PPFIA2: variants seen among roughly 807,000 people sequenced by gnomAD.
PPFIA2 encodes the protein liprin-alpha-2.
A neutral mutation model predicts 175.5 loss-of-function variants in PPFIA2; 46 were observed. The observed-to-expected ratio is 0.26, with a 90% CI of 0.21 to 0.34. PPFIA2 has a LOEUF of 0.34. PPFIA2 is among the 10% of genes least tolerant of loss of function. The probability of loss-of-function intolerance (pLI) is 1.00; values close to 1 mark genes in which losing one functional copy is unlikely to be tolerated. For missense variants in PPFIA2, 1,179 were observed against 1,506.1 expected (o/e 0.78, Z 3.60); for synonymous variants, 568 against 511.4 (o/e 1.11, Z -1.49).
In PPFIA2 at chr12:81,347,609, G is replaced by A. The variant is rs372879855; in HGVS notation, c.2156C>T (p.Pro719Leu). The A allele has an allele frequency of 1.7e-5, 28 of 1,613,638 alleles. No homozygotes were observed. The highest frequency in any genetic ancestry group is 2.2e-5 in the Non-Finnish European group (26 of 1,179,768). Residue 719 changes from proline to leucine, a missense_variant, in exon 18 of 33, where the codon CCC (proline) becomes CTC (leucine). By Grantham distance (98) the Pro-to-Leu change is moderately conservative. This residue lies in a region of PPFIA2 where 223 missense variants were observed against 241.6 expected (regional missense o/e 0.92). Coordinates refer to ENST00000549396, the MANE Select transcript of PPFIA2 (RefSeq NM_003625.5). Reference sequence around the variant, plus strand: ...GAGCTTTGGAGTTGAGTGTCCACTGGGGGGAGATGAACTGGCCAGCGATGA... The same window carrying A: ...GAGCTTTGGAGTTGAGTGTCCACTGAGGGGAGATGAACTGGCCAGCGATGA... ...TASSLASSSPPSGHSTPKLTP... is the reference protein window; with the variant it reads ...TASSLASSSPLSGHSTPKLTP...
At chr12:81,619,772 T>C (rs536322952) in intron 4 of PPFIA2, among the ~76,000 whole-genome samples, 9 of 152,298 alleles carry the variant, frequency 5.9e-5, no homozygotes, top group African/African-American at 2.2e-4. Flanking sequence ...AGGTTTAATA[T>C]TCCTGATACT....
chr12:81,634,170 G>A (rs575151112), intron 4 of PPFIA2, among the ~76,000 whole-genome samples: 5 of 152,078 alleles, frequency 3.3e-5, no homozygotes, highest in African/African-American at 9.6e-5. Context: ...TGTTCTCATG[G>A]GCTGCTCTGT....
Position 81,294,913 on chromosome 12 carries a change from C to A in PPFIA2, c.2847G>T (p.Leu949=). The A allele has an allele frequency of 1.9e-6, 3 of 1,613,530 alleles. No individual in the cohort carries two copies. Among genetic ancestry groups the A allele is most frequent in the South Asian group, 2.2e-5 (2 of 90,980 alleles). The stretch of plus-strand genomic sequence containing the variant: ...TTGCTAATCGAAGTTTTAAGCGATG[C>A]AGTGGATTGCTGATTCCAATTTCTC... ...IQREIGISNP[L]HRLKLRLAIQ... The change falls in exon 24 of 33, where the codon CTG becomes CTT. Residue 949 remains leucine (L), a synonymous_variant. Coordinates refer to ENST00000549396, the MANE Select transcript of PPFIA2 (RefSeq NM_003625.5).
chr12:81,642,730 TGTATATG>T (rs1567688267), intron 4 of PPFIA2, among the ~76,000 whole-genome samples: 2 of 6,350 alleles, frequency 3.1e-4, no homozygotes, highest in African/African-American at 6.3e-4. Flanking sequence ...TATACATACA[TGTATATG>T]TATGTATGTA....
intron 14 of PPFIA2, among the ~76,000 whole-genome samples, chr12:81,364,953 G>T (rs944366709): frequency 2.0e-5 from 3 of 151,664 alleles, no homozygotes; most frequent in Non-Finnish European, 4.4e-5. Flanking sequence ...GTGTGGGAGT[G>T]GGGTGAGAAT....
chr12:81,558,319 T>C (rs902101568), intron 4 of PPFIA2, among the ~76,000 whole-genome samples: 1 of 152,182 alleles, frequency 6.6e-6, no homozygotes, highest in Non-Finnish European at 1.5e-5. Context: ...AGCTTGGACG[T>C]AAGCCAGTAC....
intron 22 of PPFIA2, among the ~76,000 whole-genome samples, chr12:81,305,522 T>C (rs1470073140): frequency 6.6e-6 from 1 of 152,168 alleles, no homozygotes; most frequent in Non-Finnish European, 1.5e-5. Context: ...CTATTCTCTC[T>C]AGCTACAATG....
chr12:81,583,854 G>A (rs1012268424), intron 4 of PPFIA2, among the ~76,000 whole-genome samples: 2 of 151,916 alleles, frequency 1.3e-5, no homozygotes, highest in East Asian at 1.9e-4. Context: ...TGGTCCCTCA[G>A]TTCATGGCCC....
At chr12:81,536,745 C>CATAT (rs3075445) in intron 4 of PPFIA2, among the ~76,000 whole-genome samples, 9,888 of 136,468 alleles carry the variant, frequency 0.072, 517 homozygotes, top group African/African-American at 0.15. Flanking sequence ...TATACATAAA[C>CATAT]ATATATATAT....
At chr12:81,357,623 G>A (rs571236110) in intron 16 of PPFIA2, among the ~76,000 whole-genome samples, 1 of 152,226 alleles carries the variant, frequency 6.6e-6, no homozygotes, top group South Asian at 2.1e-4. Context: ...TTTTAATTAA[G>A]TTAATTTGAA....
chr12:81,610,182 C>G (rs984397457), intron 4 of PPFIA2, among the ~76,000 whole-genome samples: 5 of 152,154 alleles, frequency 3.3e-5, no homozygotes, highest in African/African-American at 1.2e-4. Context: ...ACCTTTATCT[C>G]TAGCTGCCTT....
At position 81,329,990 on chromosome 12, in the gene PPFIA2, G is replaced by T. The variant is rs532469047; in HGVS notation, c.2549-4120C>A. 2.0e-5 allele frequency among the ~76,000 whole-genome samples: 3 copies of T among 152,294 alleles called. No individual in the cohort carries two copies. In the East Asian group the frequency reaches 5.8e-4, roughly 30 times the overall value. ...GCTACAAAATGTAGGGCTTGCGAAG[G>T]CTCAGGGCTCAGGGCACAGGAAGGA... On this transcript the variant is annotated intron_variant, in intron 21 of 32. Transcript: ENST00000549396.
At chr12:81,492,290 C>A (rs975902013) in intron 4 of PPFIA2, among the ~76,000 whole-genome samples, 5 of 151,820 alleles carry the variant, frequency 3.3e-5, no homozygotes, top group African/African-American at 1.2e-4. Context: ...TTATAGGTTT[C>A]CTTGAAGAGG....
intron 4 of PPFIA2, among the ~76,000 whole-genome samples, chr12:81,643,405 A>G (rs1331583618): frequency 1.3e-5 from 2 of 152,008 alleles, no homozygotes; most frequent in African/African-American, 2.4e-5. Context: ...ACAAAGTCCA[A>G]TAAGTCTACA....
intron 4 of PPFIA2, among the ~76,000 whole-genome samples, chr12:81,576,610 A>G (rs1419081180): frequency 1.3e-5 from 2 of 151,778 alleles, no homozygotes; most frequent in African/African-American, 2.4e-5. Context: ...TGAGTTTATG[A>G]TAGCATCTAA....
intron 5 of PPFIA2, among the ~76,000 whole-genome samples, chr12:81,447,869 T>C (rs1227160256): frequency 1.3e-5 from 2 of 152,166 alleles, no homozygotes; most frequent in Non-Finnish European, 2.9e-5. Flanking sequence ...ATTTGGCCTA[T>C]ATGAAAGCTA....
intron 4 of PPFIA2, among the ~76,000 whole-genome samples, chr12:81,497,530 CTTTTTTTTTTTTTTT>C (rs34030284): frequency 1.5e-5 from 1 of 66,204 alleles, no homozygotes; most frequent in South Asian, 6.4e-4. Flanking sequence ...TCATTGATGT[CTTTTTTTTTTTTTTT>C]TTTTTTTTTT....
chr12:81,444,834 A>G (rs923676596), intron 6 of PPFIA2, among the ~76,000 whole-genome samples: 1 of 152,182 alleles, frequency 6.6e-6, no homozygotes, highest in Non-Finnish European at 1.5e-5. Context: ...CTAAAGATTT[A>G]CTAATTTTTA....
chr12:81,373,506 G>A (rs758115094), intron 11 of PPFIA2, among the ~76,000 whole-genome samples: 9 of 151,934 alleles, frequency 5.9e-5, no homozygotes, highest in Non-Finnish European at 1.2e-4. Context: ...GGCATGGTTT[G>A]TGACTACAGA....
Sources: allele counts gnomAD v4.1 joint callset (sites outside exome capture counted in the v4.1 genomes callset), GRCh38; gene constraint gnomAD v4.1.1; regional missense constraint gnomAD v4.1.1; transcripts MANE v1.5; gene names NCBI Gene and HGNC (gene_info 2026-07-23, HGNC 2026-07-21).